The following TRDN variants were observed in gnomAD, a reference collection of about 807,000 sequenced individuals.
The protein encoded by TRDN is triadin in skeletal muscle.
TRDN carries 161 observed loss-of-function variants against 149.7 expected under a neutral mutation model. The ratio of observed to expected loss-of-function variants is 1.08; its 90% confidence interval spans 0.95 to 1.23. The LOEUF (loss-of-function observed/expected upper bound fraction) is 1.23, where lower values mean the gene tolerates loss of function less well. Among genes scored for constraint, TRDN ranks in the 50% most tolerant of loss-of-function variants. The pLI, the probability that TRDN is intolerant of heterozygous loss-of-function variation, is 0.00. For missense variants in TRDN, 896 were observed against 823.5 expected (o/e 1.09, Z -1.08); for synonymous variants, 294 against 250.5 (o/e 1.17, Z -1.64).
chr6:123,278,462 T>A, intron 25 of TRDN, 115 bp from the exon 26 acceptor site: 1 of 685,992 alleles, frequency 1.5e-6, no homozygotes, highest in Non-Finnish European at 2.0e-6. Flanking sequence ...TTGGTTTCAA[T>A]CTCCTATTAA....
intron 21 of TRDN, among the ~76,000 whole-genome samples, chr6:123,347,080 G>A (rs1245125093): frequency 6.6e-6 from 1 of 152,030 alleles, no homozygotes; most frequent in Non-Finnish European, 1.5e-5. Context: ...ACCTTGGCTG[G>A]AAAGTCACAC....
chr6:123,602,895 C>T (rs1313448040), intron 1 of TRDN, among the ~76,000 whole-genome samples: 7 of 151,998 alleles, frequency 4.6e-5, no homozygotes, highest in Non-Finnish European at 7.4e-5. Flanking sequence ...TACACATCAA[C>T]GACTTCATGC....
intron 1 of TRDN, among the ~76,000 whole-genome samples, chr6:123,578,794 T>G (rs1338103766): frequency 6.6e-6 from 1 of 152,164 alleles, no homozygotes; most frequent in East Asian, 1.9e-4. Context: ...ATGGGATGTT[T>G]TTCTGTTTGT....
chr6:123,580,835 G>A (rs1783086195), intron 1 of TRDN, among the ~76,000 whole-genome samples: 1 of 152,124 alleles, frequency 6.6e-6, no homozygotes, highest in African/African-American at 2.4e-5. Context: ...TTTCCAAGTG[G>A]TCCATCCTCA....
intron 1 of TRDN, among the ~76,000 whole-genome samples, chr6:123,600,705 A>G (rs533396191): frequency 1.3e-5 from 2 of 152,220 alleles, no homozygotes; most frequent in East Asian, 1.9e-4. Context: ...CGCTCTGGTT[A>G]TACAGCAGTT....
intron 6 of TRDN, among the ~76,000 whole-genome samples, chr6:123,513,720 T>C (rs1779284704): frequency 6.6e-6 from 1 of 151,224 alleles, no homozygotes; most frequent in African/African-American, 2.4e-5. Context: ...TTTTTTTCTG[T>C]AGGTTATTGG....
intron 12 of TRDN, chr6:123,433,936 T>A (rs1277521345): frequency 1.3e-5 from 2 of 152,186 alleles, no homozygotes; most frequent in Non-Finnish European, 2.9e-5. Flanking sequence ...TCTAATCAAG[T>A]AGGTGAAACG....
intron 22 of TRDN, among the ~76,000 whole-genome samples, 173 bp from the exon 23 acceptor site, chr6:123,332,102 T>C (rs1779680542): frequency 6.6e-6 from 1 of 152,030 alleles, no homozygotes; most frequent in South Asian, 2.1e-4. Flanking sequence ...CAGTATAGAA[T>C]ACAATAAGCC....
At chr6:123,473,516 C>T (rs1260548144) in intron 9 of TRDN, among the ~76,000 whole-genome samples, 1 of 152,098 alleles carries the variant, frequency 6.6e-6, no homozygotes, top group African/African-American at 2.4e-5. Context: ...TTGGAAAACA[C>T]ACTGCAGGAT....
At chr6:123,387,525 ATT>A (rs1781950453) in intron 14 of TRDN, among the ~76,000 whole-genome samples, 1 of 151,952 alleles carries the variant, frequency 6.6e-6, no homozygotes. Context: ...TATTATTACC[ATT>A]GTTTATCCTC....
In TRDN at chr6:123,559,491, C is replaced by T. The variant is rs113226741; in HGVS notation, c.233-10879G>A. Among the ~76,000 whole-genome samples the T allele has an allele frequency of 8.4e-3, 1,275 of 152,160 alleles. 10 individuals are homozygous for T. Among genetic ancestry groups the T allele is most frequent in the African/African-American group, 0.028 (1,169 of 41,468 alleles). The stretch of plus-strand genomic sequence containing the variant: ...CCCAATCCAAAGCCTCCTTTGCGTG[C>T]TCCTCTTGTATTCCCCCCACTTAAC... On this transcript the variant is annotated intron_variant, in intron 2 of 40. Transcript: ENST00000334268.
At chr6:123,569,983 T>A (rs1782479918) in intron 2 of TRDN, among the ~76,000 whole-genome samples, 1 of 152,226 alleles carries the variant, frequency 6.6e-6, no homozygotes, top group Non-Finnish European at 1.5e-5. Flanking sequence ...GTATTTCTTC[T>A]TGAGGTCTGT....
chr6:123,381,327 G>T lies in TRDN; in HGVS notation c.1186+43C>A, dbSNP rs367718355. 8.7e-6 allele frequency: 13 copies of T among 1,498,394 alleles called. No homozygotes were observed. The African/African-American group carries it at 1.8e-4, about 21-fold the overall frequency. 92.8% of individuals were successfully genotyped at this position (1,498,394 alleles called of 1,614,324 possible). ...ATACAGCAGCAGGCAAATAATAGTA[G>T]TAAAAAAAAAAGTACACAAATACAC... On this transcript the variant is annotated intron_variant, in intron 16 of 40. Transcript: ENST00000334268.
At chr6:123,533,414 A>C (rs1323142655) in intron 4 of TRDN, among the ~76,000 whole-genome samples, 1 of 152,122 alleles carries the variant, frequency 6.6e-6, no homozygotes, top group East Asian at 1.9e-4. Flanking sequence ...CTTGCCTGAA[A>C]AAATCCTGTC....
At chr6:123,251,810 T>G (rs950471882) in intron 38 of TRDN, among the ~76,000 whole-genome samples, 15 of 152,010 alleles carry the variant, frequency 9.9e-5, no homozygotes, top group African/African-American at 3.4e-4. Context: ...GATCCTGATA[T>G]TCTAGAGAAT....
At chr6:123,276,371 G>A (rs946237393) in intron 26 of TRDN, among the ~76,000 whole-genome samples, 6 of 152,100 alleles carry the variant, frequency 3.9e-5, no homozygotes, top group Admixed American at 3.9e-4. Context: ...TCTTCTGTTA[G>A]GTGGAAGATG....
chr6:123,495,093 A>C (rs1778388412), intron 9 of TRDN, among the ~76,000 whole-genome samples: 1 of 151,980 alleles, frequency 6.6e-6, no homozygotes. Context: ...GTAGCCCAGA[A>C]TGGAATGTGA....
In TRDN at chr6:123,513,327, T is replaced by C. The variant is rs571207955; in HGVS notation, c.551-965A>G. On this transcript the variant is annotated intron_variant, in intron 6 of 40. Coordinates refer to ENST00000334268, the MANE Select transcript of TRDN (RefSeq NM_006073.4). Reference sequence around the variant, plus strand: ...CTCCTAAAAAGCAAACATCCTTTAATTGGCATAAGGTAAATAAAAGAGCAC... The same window carrying C: ...CTCCTAAAAAGCAAACATCCTTTAACTGGCATAAGGTAAATAAAAGAGCAC... Among the ~76,000 whole-genome samples the C allele has an allele frequency of 2.8e-4, 42 of 152,334 alleles. No individual in the cohort carries two copies. In the South Asian group the frequency reaches 3.3e-3, roughly 12 times the overall value.
At chr6:123,290,793 A>C (rs1385886650) in intron 24 of TRDN, among the ~76,000 whole-genome samples, 3 of 152,196 alleles carry the variant, frequency 2.0e-5, no homozygotes, top group Non-Finnish European at 4.4e-5. Flanking sequence ...GAAGTTATTA[A>C]AAGGGAGTTT....
Sources: allele counts gnomAD v4.1 joint callset (sites outside exome capture counted in the v4.1 genomes callset), GRCh38; gene constraint gnomAD v4.1.1; transcripts MANE v1.5; gene names NCBI Gene and HGNC (gene_info 2026-07-23, HGNC 2026-07-21).